The following PRKAR2B variants were observed in gnomAD, a reference collection of about 807,000 sequenced individuals.
The protein encoded by PRKAR2B is cAMP-dependent protein kinase type II-beta regulatory subunit.
In PRKAR2B, 14 loss-of-function variants were observed where a neutral mutation model predicts 49.9. That is an observed-to-expected ratio of 0.28 (90% CI 0.19 to 0.44). The LOEUF (loss-of-function observed/expected upper bound fraction) is 0.44, where lower values mean the gene tolerates loss of function less well. Among genes scored for constraint, PRKAR2B ranks in the 20% least tolerant of loss-of-function variants. The probability of loss-of-function intolerance (pLI) is 1.00; values close to 1 mark genes in which losing one functional copy is unlikely to be tolerated. For missense variants in PRKAR2B, 393 were observed against 537.9 expected, an observed-to-expected ratio of 0.73 and a Z score of 2.67; for synonymous variants, 196 against 197.7, an observed-to-expected ratio of 0.99 and a Z score of 0.07.
chr7:107,159,715 A>G lies in PRKAR2B; in HGVS notation c.*133A>G. 3 of 870,210 alleles carry G rather than the reference A, an allele frequency of 3.4e-6. No homozygotes were observed. Among genetic ancestry groups the G allele is most frequent in the Non-Finnish European group, 5.2e-6 (3 of 575,996 alleles). 53.9% of individuals were successfully genotyped at this position (870,210 alleles called of 1,614,324 possible). A position where few individuals can be genotyped will look rare whatever the true frequency, so the allele number is the denominator to read the frequency against. On this transcript the variant is annotated 3_prime_UTR_variant, in exon 11 of 11. Coordinates refer to ENST00000265717, the MANE Select transcript of PRKAR2B (RefSeq NM_002736.3). The stretch of plus-strand genomic sequence containing the variant: ...TTTCCTTTTTTTACATTTACAACGT[A>G]TCAATAAACAGTAGTGATTTAATAG...
chr7:107,106,385 C>T (rs1795072966), intron 2 of PRKAR2B, among the ~76,000 whole-genome samples: 1 of 152,132 alleles, frequency 6.6e-6, no homozygotes, highest in African/African-American at 2.4e-5. Flanking sequence ...GGACAGTACC[C>T]AGAATCATTT....
intron 1 of PRKAR2B, among the ~76,000 whole-genome samples, chr7:107,046,611 G>A (rs150557050): frequency 1.0e-3 from 156 of 152,214 alleles, no homozygotes; most frequent in Middle Eastern, 3.4e-3. Context: ...TTTTGCACAA[G>A]AATCGAATCA....
chr7:107,120,748 A>G (rs1412241706), intron 2 of PRKAR2B, among the ~76,000 whole-genome samples: 1 of 152,108 alleles, frequency 6.6e-6, no homozygotes, highest in Non-Finnish European at 1.5e-5. Flanking sequence ...TTCCTCATAG[A>G]TATCATGACA....
In PRKAR2B at chr7:107,160,263, T is replaced by C. The variant is rs1796174889; in HGVS notation, c.*681T>C. 1 of 152,652 alleles carries C rather than the reference T, an allele frequency of 6.6e-6. No individual in the cohort carries two copies. Among genetic ancestry groups the C allele is most frequent in the Non-Finnish European group, 1.5e-5 (1 of 68,042 alleles). 9.5% of individuals were successfully genotyped at this position (152,652 alleles called of 1,614,324 possible). ...TATGATAATAAGGAAAACAGTGTTT[T>C]AGATGAGAGATCATTAATGCATTTT... On this transcript the variant is annotated 3_prime_UTR_variant, in exon 11 of 11. Transcript: ENST00000265717.
chr7:107,102,165 C>T (rs1016598905), intron 2 of PRKAR2B, among the ~76,000 whole-genome samples: 1 of 152,046 alleles, frequency 6.6e-6, no homozygotes, highest in Non-Finnish European at 1.5e-5. Context: ...TGAGATTGCA[C>T]CACTGCACTC....
chr7:107,117,204 C>T (rs997379802), intron 2 of PRKAR2B, among the ~76,000 whole-genome samples: 1 of 151,872 alleles, frequency 6.6e-6, no homozygotes, highest in Non-Finnish European at 1.5e-5. Flanking sequence ...TTGATGCATG[C>T]CTTCAACTAA....
chr7:107,074,913 C>T (rs1380326641), intron 2 of PRKAR2B, among the ~76,000 whole-genome samples: 2 of 151,968 alleles, frequency 1.3e-5, no homozygotes, highest in Non-Finnish European at 2.9e-5. Context: ...TCACTGTTCA[C>T]CTAATATATA....
intron 1 of PRKAR2B, among the ~76,000 whole-genome samples, chr7:107,068,081 G>A (rs573240709): frequency 2.8e-4 from 42 of 152,246 alleles, no homozygotes; most frequent in South Asian, 1.2e-3. Context: ...CTGAATTACC[G>A]TGACAATCAA....
At chr7:107,053,837 A>G (rs2237649) in intron 1 of PRKAR2B, among the ~76,000 whole-genome samples, 96,783 of 151,868 alleles carry the variant, frequency 0.64, 32,148 homozygotes, top group African/African-American at 0.83. Flanking sequence ...TGGAAATACC[A>G]GTCAGAATTA....
At chr7:107,088,843 A>G (rs1050665384) in intron 2 of PRKAR2B, among the ~76,000 whole-genome samples, 1 of 152,062 alleles carries the variant, frequency 6.6e-6, no homozygotes, top group Non-Finnish European at 1.5e-5. Context: ...CAAGTGATCC[A>G]CCTGAGTTGG....
At chr7:107,141,112 A>C (rs1282812242) in intron 5 of PRKAR2B, among the ~76,000 whole-genome samples, 159 bp downstream of exon 5, 1 of 152,246 alleles carries the variant, frequency 6.6e-6, no homozygotes, top group East Asian at 1.9e-4. Flanking sequence ...GAGTACATGC[A>C]GTGAAACCAC....
At chr7:107,051,582 T>C (rs1437712669) in intron 1 of PRKAR2B, among the ~76,000 whole-genome samples, 1 of 152,210 alleles carries the variant, frequency 6.6e-6, no homozygotes, top group African/African-American at 2.4e-5. Flanking sequence ...ACGGTTTCAT[T>C]ATGTAATTTT....
At chr7:107,064,010 A>C (rs1794079500) in intron 1 of PRKAR2B, among the ~76,000 whole-genome samples, 1 of 152,078 alleles carries the variant, frequency 6.6e-6, no homozygotes, top group African/African-American at 2.4e-5. Flanking sequence ...CAGAAAGTGA[A>C]TTTATATCGT....
intron 2 of PRKAR2B, among the ~76,000 whole-genome samples, chr7:107,106,251 C>T (rs530368236): frequency 2.6e-5 from 4 of 152,308 alleles, no homozygotes; most frequent in South Asian, 2.1e-4. Flanking sequence ...GTGATTTCTG[C>T]ATTTAAGGTC....
At chr7:107,151,669 C>T (rs965610186) in intron 7 of PRKAR2B, among the ~76,000 whole-genome samples, 5 of 152,230 alleles carry the variant, frequency 3.3e-5, no homozygotes, top group Non-Finnish European at 7.3e-5. Context: ...AGGACACTCA[C>T]ATCAGCCTAC....
At chr7:107,051,671 T>A (rs1793806369) in intron 1 of PRKAR2B, among the ~76,000 whole-genome samples, 1 of 152,116 alleles carries the variant, frequency 6.6e-6, no homozygotes, top group Non-Finnish European at 1.5e-5. Context: ...ATCAGAACTA[T>A]AAACAGTTGG....
rs117769800 is a variant in PRKAR2B, at chr7:107,050,403, A to G, written c.307+5189A>G. Among the ~76,000 whole-genome samples, 560 of 134,640 alleles carry G rather than the reference A, an allele frequency of 4.2e-3. 3 individuals carry two copies. The highest frequency in any genetic ancestry group is 6.0e-3 in the Non-Finnish European group (397 of 66,154). 88.3% of individuals were successfully genotyped at this position (134,640 alleles called of 152,430 possible). On this transcript the variant is annotated intron_variant, in intron 1 of 10. Coordinates refer to ENST00000265717, the MANE Select transcript of PRKAR2B (RefSeq NM_002736.3). Reference sequence around the variant, plus strand: ...TTGATGTGCTGTGTCTGGGTAGAACAGGAGTGAATATTGAATGGTTATTTT... The same window carrying G: ...TTGATGTGCTGTGTCTGGGTAGAACGGGAGTGAATATTGAATGGTTATTTT...
At chr7:107,065,805 A>G (rs1392770804) in intron 1 of PRKAR2B, among the ~76,000 whole-genome samples, 2 of 152,226 alleles carry the variant, frequency 1.3e-5, no homozygotes, top group African/African-American at 4.8e-5. Flanking sequence ...GGGCATGAAG[A>G]GGTGAGCAGA....
intron 1 of PRKAR2B, among the ~76,000 whole-genome samples, chr7:107,058,002 C>T (rs1793948738): frequency 6.6e-6 from 1 of 151,270 alleles, no homozygotes; most frequent in Non-Finnish European, 1.5e-5. Context: ...TTCTTTAAAT[C>T]TTATGTCCTC....
Sources: gnomAD v4.1 joint callset for allele counts (sites outside exome capture counted in the v4.1 genomes callset) on GRCh38, gnomAD v4.1.1 for gene constraint, MANE v1.5 for transcripts, NCBI Gene and HGNC (gene_info 2026-07-23, HGNC 2026-07-21) for gene names.